The following ARFGEF2 variants were observed in gnomAD, a reference collection of about 807,000 sequenced individuals.
The protein encoded by ARFGEF2 is brefeldin A-inhibited guanine nucleotide-exchange protein 2.
Under a neutral mutation model 219.9 loss-of-function variants are expected in ARFGEF2, and 74 were observed. The ratio of observed to expected loss-of-function variants is 0.34; its 90% CI spans 0.28 to 0.41. The LOEUF (loss-of-function observed/expected upper bound fraction) is 0.41, where lower values mean the gene tolerates loss of function less well. ARFGEF2 is among the 10% of genes least tolerant of loss of function. The probability of loss-of-function intolerance (pLI) is 1.00; values close to 1 mark genes in which losing one functional copy is unlikely to be tolerated. For synonymous variants in ARFGEF2, 733 were observed against 799.2 expected (o/e 0.92, Z 1.40); for missense variants, 1,743 against 2,218.3 (o/e 0.79, Z 4.30).
chr20:48,975,614 A>T lies in ARFGEF2; in HGVS notation c.1775-402A>T, dbSNP rs370985747. On this transcript the variant is annotated intron_variant, in intron 13 of 38. Transcript: ENST00000371917. ...CAGGTGTTCAAGACCAGCCTGGCCA[A>T]CATAGTGAAACCCTGTCTCTACTAA... Among the ~76,000 whole-genome samples, 36 of 152,146 alleles carry T rather than the reference A, an allele frequency of 2.4e-4. 3 individuals are homozygous for T. In the East Asian group the frequency reaches 3.3e-3, roughly 14 times the overall value.
At chr20:48,962,713 C>T (rs191095985) in intron 6 of ARFGEF2, among the ~76,000 whole-genome samples, 31 of 152,236 alleles carry the variant, frequency 2.0e-4, no homozygotes, top group Admixed American at 1.9e-3. Context: ...ATTTACTTTG[C>T]CACGTAGATA....
chr20:48,974,030 C>G (rs1377448292), intron 12 of ARFGEF2, among the ~76,000 whole-genome samples: 6 of 151,292 alleles, frequency 4.0e-5, no homozygotes, highest in African/African-American at 1.5e-4. Flanking sequence ...TACGTTGTAT[C>G]CAGAGTCACT....
chr20:49,011,218 A>G lies in ARFGEF2; in HGVS notation c.3758-706A>G, dbSNP rs970974404. Reference sequence around the variant, plus strand: ...AATAAGGTGTCTTTTCAACAGGAACACACATACAACAAGGTTATGTCTTGA... The same window carrying G: ...AATAAGGTGTCTTTTCAACAGGAACGCACATACAACAAGGTTATGTCTTGA... On this transcript the variant is annotated intron_variant, in intron 27 of 38. Coordinates refer to ENST00000371917, the MANE Select transcript of ARFGEF2 (RefSeq NM_006420.3). Among the ~76,000 whole-genome samples, 10 of 152,210 alleles carry G rather than the reference A, an allele frequency of 6.6e-5. No individual in the cohort carries two copies. The South Asian group carries it at 8.3e-4, about 13-fold the overall frequency.
At chr20:48,934,165 C>T (rs1877373399) in intron 1 of ARFGEF2, among the ~76,000 whole-genome samples, 1 of 147,866 alleles carries the variant, frequency 6.8e-6, no homozygotes, top group Non-Finnish European at 1.5e-5. Context: ...AGTTTAATAA[C>T]CCAATAACCC....
Position 48,985,504 on chromosome 20 carries a change from G to A in ARFGEF2, c.2167G>A (p.Val723Ile), listed in dbSNP as rs1394371928. 1.2e-6 allele frequency: 2 copies of A among 1,614,192 alleles called. No individual in the cohort carries two copies. Among genetic ancestry groups the A allele is most frequent in the Non-Finnish European group, 1.7e-6 (2 of 1,180,038 alleles). Residue 723 changes from valine (V) to isoleucine (I), a missense_variant, in exon 16 of 39, where the codon GTC becomes ATC. Val to Ile is a conservative substitution (Grantham distance 29, BLOSUM62 3). Transcript: ENST00000371917. ...ACTTGACTTCTGTGAAAAAGAATTT[G>A]TCTCAGCCCTGCGGACATTCCTAGA... ...DQLDFCEKEF[V>I]SALRTFLEGF...
intron 1 of ARFGEF2, among the ~76,000 whole-genome samples, chr20:48,926,045 G>C (rs2090874939): frequency 6.6e-6 from 1 of 152,148 alleles, no homozygotes; most frequent in African/African-American, 2.4e-5. Flanking sequence ...ATGCAATTTA[G>C]TTCTCACTAT....
chr20:48,953,081 T>C (rs1251242537), intron 5 of ARFGEF2, among the ~76,000 whole-genome samples, 197 bp downstream of exon 5: 1 of 152,236 alleles, frequency 6.6e-6, no homozygotes, highest in Non-Finnish European at 1.5e-5. Context: ...GTTCAGAATT[T>C]GTTTGGAGAC....
intron 3 of ARFGEF2, among the ~76,000 whole-genome samples, chr20:48,945,356 T>A (rs2091019127): frequency 6.6e-6 from 1 of 152,122 alleles, no homozygotes; most frequent in Non-Finnish European, 1.5e-5. Flanking sequence ...GCCTAAACAT[T>A]TAGTATGTGT....
At chr20:48,959,155 C>T (rs772776604) in intron 6 of ARFGEF2, among the ~76,000 whole-genome samples, 1 of 152,130 alleles carries the variant, frequency 6.6e-6, no homozygotes, top group African/African-American at 2.4e-5. Context: ...ACTCTATAGC[C>T]TCTGGTCTAA....
intron 8 of ARFGEF2, among the ~76,000 whole-genome samples, chr20:48,966,492 T>G (rs757186890): frequency 3.9e-5 from 6 of 152,218 alleles, no homozygotes; most frequent in Non-Finnish European, 7.3e-5. Flanking sequence ...GTATCCTGTG[T>G]TGCAACCTGC....
At position 48,921,858 on chromosome 20, in the gene ARFGEF2, G is replaced by C; in HGVS notation, c.-32G>C. 1 of 1,503,662 alleles carries C rather than the reference G, an allele frequency of 6.7e-7. No individual in the cohort carries two copies. Among genetic ancestry groups the C allele is most frequent in the South Asian group, 1.3e-5 (1 of 79,960 alleles). The allele number at this position is 1,503,662 out of a possible 1,614,324, so 93.1% of individuals were successfully genotyped here. On this transcript the variant is annotated 5_prime_UTR_variant, in exon 1 of 39. Transcript: ENST00000371917. ...GCCATCTCGCTCACGCCGCCCGCCC[G>C]CGGGGCCGTCAGCCCCCGCCGGGCC...
chr20:48,979,528 T>G (rs1386323231), intron 14 of ARFGEF2, among the ~76,000 whole-genome samples: 2 of 152,208 alleles, frequency 1.3e-5, no homozygotes, highest in African/African-American at 4.8e-5. Context: ...TTCTATTGAT[T>G]GGAATAGTTT....
intron 36 of ARFGEF2, among the ~76,000 whole-genome samples, chr20:49,027,389 A>G (rs1034964705): frequency 1.3e-5 from 2 of 152,184 alleles, no homozygotes; most frequent in Non-Finnish European, 2.9e-5. Flanking sequence ...TTCGCCAGCC[A>G]ATAAGCAAAG....
At chr20:48,935,742 C>T (rs922429403) in intron 1 of ARFGEF2, among the ~76,000 whole-genome samples, 1 of 149,294 alleles carries the variant, frequency 6.7e-6, no homozygotes, top group African/African-American at 2.5e-5. Context: ...CCACCTCCCT[C>T]CCGGACAGGG....
At position 48,952,737 on chromosome 20, in the gene ARFGEF2, T is replaced by C; in HGVS notation, c.456T>C (p.Ile152=). The C allele has an allele frequency of 6.2e-7, 1 of 1,614,200 alleles. No homozygotes were observed. Among genetic ancestry groups the C allele is most frequent in the Non-Finnish European group, 8.5e-7 (1 of 1,180,024 alleles). The change falls in exon 5 of 39, where the codon ATT becomes ATC. Residue 152 remains isoleucine, a synonymous_variant. Transcript: ENST00000371917. ...ALLTAVTSPH[I]EIHEGTILQT... ...TGACTGCAGTGACTTCCCCACACAT[T>C]GAAATTCATGAGGGTACTATCCTGC...
chr20:49,006,936 T>G (rs2091464506), intron 26 of ARFGEF2, among the ~76,000 whole-genome samples: 2 of 151,400 alleles, frequency 1.3e-5, no homozygotes, highest in East Asian at 3.9e-4. Context: ...CACCTGGGCC[T>G]CCCAAAGTGC....
At position 49,028,115 on chromosome 20, in the gene ARFGEF2, C is replaced by T. The variant is rs138577280; in HGVS notation, c.4925-415C>T. 6.4e-3 allele frequency among the ~76,000 whole-genome samples: 980 copies of T among 152,036 alleles called. 6 individuals carry two copies. Among genetic ancestry groups the T allele is most frequent in the Middle Eastern group, 0.027 (8 of 294 alleles). On this transcript the variant is annotated intron_variant, in intron 36 of 38. Coordinates refer to ENST00000371917, the MANE Select transcript of ARFGEF2 (RefSeq NM_006420.3). ...TCTACTAAAAATACAAAAATTAGCCCGGCATGGTGGTGGGCACCTGTAATC... is the reference window on the plus strand; with the variant it reads ...TCTACTAAAAATACAAAAATTAGCCTGGCATGGTGGTGGGCACCTGTAATC...
At chr20:48,982,791 ACCTGCTGAGCCAGGCACAGGATATAATCT>A (rs1341077699) in intron 14 of ARFGEF2, among the ~76,000 whole-genome samples, 1 of 152,178 alleles carries the variant, frequency 6.6e-6, no homozygotes, top group African/African-American at 2.4e-5. Context: ...TGGGCGTGGG[ACCTGCTGAGCCAGGCACAGGATATAATCT>A]CCTGGTGTGC....
intron 1 of ARFGEF2, 130 bp from the exon 2 acceptor site, chr20:48,941,069 A>T: frequency 2.5e-6 from 2 of 813,556 alleles, no homozygotes; most frequent in Non-Finnish European, 4.1e-6. Context: ...CTTTCACTTC[A>T]TATCAGCATT....
Sources: allele counts gnomAD v4.1 joint callset (sites outside exome capture counted in the v4.1 genomes callset), GRCh38; gene constraint gnomAD v4.1.1; transcripts MANE v1.5; gene names NCBI Gene and HGNC (gene_info 2026-07-23, HGNC 2026-07-21).